Variants in ARHGEF18 observed in about 807,000 individuals in gnomAD.
ARHGEF18 encodes the protein Rho/Rac guanine nucleotide exchange factor 18, also known as rho guanine nucleotide exchange factor 18.
Under a neutral mutation model 155.7 loss-of-function variants are expected in ARHGEF18, and 93 were observed. The ratio of observed to expected loss-of-function variants is 0.60; its 90% CI spans 0.50 to 0.71. ARHGEF18 has a LOEUF of 0.71. Among genes scored for constraint, ARHGEF18 ranks in the 30% least tolerant of loss-of-function variants. The probability of loss-of-function intolerance (pLI) is 0.00; values close to 1 mark genes in which losing one functional copy is unlikely to be tolerated. For missense variants in ARHGEF18, 1,593 were observed against 1,816.1 expected (o/e 0.88, Z 2.23); for synonymous variants, 742 against 753.1 (o/e 0.99, Z 0.24).
In ARHGEF18 at chr19:7,382,901, G is replaced by C; in HGVS notation, c.825+7G>C. On this transcript the variant is annotated splice_region_variant and intron_variant, in intron 9 of 28. Transcript: ENST00000668164. ...GACCAGGCAGAAGGAGAAGGTAAGGGGAGCTAAGCCACGGGGGCCCTCCTC... is the reference window on the plus strand; with the variant it reads ...GACCAGGCAGAAGGAGAAGGTAAGGCGAGCTAAGCCACGGGGGCCCTCCTC... 4 of 1,232,498 alleles carry C rather than the reference G, an allele frequency of 3.2e-6. No homozygotes were observed. Among genetic ancestry groups the C allele is most frequent in the Non-Finnish European group, 4.0e-6 (4 of 988,102 alleles). The allele number at this position is 1,232,498 out of a possible 1,614,324, so 76.3% of individuals were successfully genotyped here.
intron 15 of ARHGEF18, 30 bp downstream of exon 15, chr19:7,447,198 A>G (rs751740015): frequency 1.3e-6 from 2 of 1,576,572 alleles, no homozygotes; most frequent in Admixed American, 1.8e-5. Context: ...TTAATCAAAA[A>G]CTTATATTCT....
intron 10 of ARHGEF18, among the ~76,000 whole-genome samples, chr19:7,425,532 A>T (rs1973609811): frequency 6.6e-6 from 1 of 152,158 alleles, no homozygotes; most frequent in East Asian, 1.9e-4. Flanking sequence ...AAATACAAAA[A>T]TTAGCCAGGC....
intron 23 of ARHGEF18, 28 bp downstream of exon 23, chr19:7,464,718 A>G (rs373526525): frequency 6.2e-7 from 1 of 1,612,676 alleles, no homozygotes; most frequent in African/African-American, 1.3e-5. Context: ...TGCTCGGTAC[A>G]GTCTGAGTCG....
chr19:7,350,337 G>C (rs1201325755), intron 1 of ARHGEF18, among the ~76,000 whole-genome samples: 1 of 152,158 alleles, frequency 6.6e-6, no homozygotes, highest in African/African-American at 2.4e-5. Context: ...GGGGGCTGAT[G>C]CTCCAAGGCC....
At chr19:7,447,443 C>T (rs1046598232) in intron 15 of ARHGEF18, among the ~76,000 whole-genome samples, 3 of 151,602 alleles carry the variant, frequency 2.0e-5, no homozygotes, top group Non-Finnish European at 2.9e-5. Flanking sequence ...GAGCCGAGAT[C>T]GTGCCACTGC....
intron 10 of ARHGEF18, among the ~76,000 whole-genome samples, chr19:7,426,144 A>C (rs1239708003): frequency 2.0e-5 from 3 of 152,092 alleles, no homozygotes; most frequent in Non-Finnish European, 4.4e-5. Flanking sequence ...GCACCACTGC[A>C]CTCTAACCTG....
At position 7,372,886 on chromosome 19, in the gene ARHGEF18, C is replaced by T. The variant is rs1459393400; in HGVS notation, c.90C>T (p.Ser30=). The change falls in exon 3 of 29, where the codon AGC becomes AGT. Residue 30 remains serine, a synonymous_variant. Coordinates refer to ENST00000668164, the MANE Select transcript of ARHGEF18 (RefSeq NM_001367823.1). ...LSLDLGALQG[S]EYLQDLGLGA... is the part of the protein sequence containing the mutation. ...TGGATTTGGGGGCCCTTCAGGGCAGCGAGTATCTGCAGGACCTGGGCCTTG... is the reference window on the plus strand; with the variant it reads ...TGGATTTGGGGGCCCTTCAGGGCAGTGAGTATCTGCAGGACCTGGGCCTTG... 1.1e-5 allele frequency: 13 copies of T among 1,234,392 alleles called. No individual in the cohort carries two copies. The highest frequency in any genetic ancestry group is 4.2e-5 in the Admixed American group (1 of 23,706). The allele number at this position is 1,234,392 out of a possible 1,614,324, so 76.5% of individuals were successfully genotyped here.
rs570941703 is a variant in ARHGEF18 at position 7,361,917 on chromosome 19, G to A, written c.-110-864G>A. Among the ~76,000 whole-genome samples, 20 of 151,454 alleles carry A rather than the reference G, an allele frequency of 1.3e-4. 1 individual carries two copies. The South Asian group carries it at 1.7e-3, about 13-fold the overall frequency. On this transcript the variant is annotated intron_variant, in intron 1 of 28. Coordinates refer to ENST00000668164, the MANE Select transcript of ARHGEF18 (RefSeq NM_001367823.1). Reference sequence around the variant, plus strand: ...TGAGGCAGGAGAATGGCTTGAACTCGGGAGGCGGAGGTTGTGGTGAGCTGA... The same window carrying A: ...TGAGGCAGGAGAATGGCTTGAACTCAGGAGGCGGAGGTTGTGGTGAGCTGA...
Position 7,446,297 on chromosome 19 carries a change from G to A in ARHGEF18, c.1612-746G>A, listed in dbSNP as rs553727460. ...TGTGGCAGGAGAATCACTCAGACCC[G>A]GAAGGCAGAGGTTGCAGTGAGCCAA... is the stretch of plus-strand genomic sequence containing the variant. On this transcript the variant is annotated intron_variant, in intron 14 of 28. Coordinates refer to ENST00000668164, the MANE Select transcript of ARHGEF18 (RefSeq NM_001367823.1). 2.0e-3 allele frequency among the ~76,000 whole-genome samples: 310 copies of A among 152,002 alleles called. 1 individual carries two copies. The highest frequency in any genetic ancestry group is 7.0e-3 in the African/African-American group (291 of 41,444).
chr19:7,477,358 G>A (rs753923206), downstream of ARHGEF18: 6 of 1,557,944 alleles, frequency 3.9e-6, no homozygotes, highest in African/African-American at 1.4e-5. Flanking sequence ...TGGCCAGGTC[G>A]GCCAGGTTGC....
rs927154321 is a variant in ARHGEF18, at chr19:7,462,991, G to A, written c.2635+657G>A. 4.6e-5 allele frequency among the ~76,000 whole-genome samples: 7 copies of A among 151,232 alleles called. 1 individual carries two copies. Among genetic ancestry groups the A allele is most frequent in the Admixed American group, 6.6e-5 (1 of 15,230 alleles). On this transcript the variant is annotated intron_variant, in intron 21 of 28. Coordinates refer to ENST00000668164, the MANE Select transcript of ARHGEF18 (RefSeq NM_001367823.1). The surrounding 1 kb of genome is among the most constrained non-coding windows in gnomAD (Gnocchi z 4.4). ...TGGGATTACAGGCACCCACCACCAC[G>A]CCCAGCTAATTTTTGTATTTTTCGT...
At chr19:7,354,189 C>A (rs562503622) in intron 1 of ARHGEF18, among the ~76,000 whole-genome samples, 1 of 152,124 alleles carries the variant, frequency 6.6e-6, no homozygotes, top group African/African-American at 2.4e-5. Flanking sequence ...TGATAGCATG[C>A]ATGTACATTC....
At chr19:7,386,438 C>T (rs565599249) in intron 10 of ARHGEF18, among the ~76,000 whole-genome samples, 2 of 150,648 alleles carry the variant, frequency 1.3e-5, no homozygotes, top group Non-Finnish European at 3.0e-5. Context: ...CAAGTTGCCA[C>T]GTGTCCTCTA....
In ARHGEF18 at chr19:7,462,842, T is replaced by C. The variant is rs1237459138; in HGVS notation, c.2635+508T>C. On this transcript the variant is annotated intron_variant, in intron 21 of 28. Transcript: ENST00000668164. This position sits in a 1 kb window ranked among gnomAD's most constrained non-coding sequence, Gnocchi z 4.4. ...CTCTTTCTTTTTTTCTTTTCTTTTT[T>C]TTTTTTTTTTTTGAGATGGAGTCTC... Among the ~76,000 whole-genome samples the C allele has an allele frequency of 3.4e-5, 5 of 146,550 alleles. No homozygotes were observed. Among genetic ancestry groups the C allele is most frequent in the African/African-American group, 7.5e-5 (3 of 39,982 alleles).
intron 2 of ARHGEF18, among the ~76,000 whole-genome samples, chr19:7,368,929 AGAG>A (rs10536413): frequency 0.068 from 10,300 of 152,168 alleles, 949 homozygotes; most frequent in East Asian, 0.28. Flanking sequence ...AAGAGGACGC[AGAG>A]GAGGAGTCAG....
At chr19:7,419,508 C>T (rs956299932) in intron 10 of ARHGEF18, among the ~76,000 whole-genome samples, 7 of 152,002 alleles carry the variant, frequency 4.6e-5, no homozygotes, top group African/African-American at 1.2e-4. Context: ...AGGGAACTCC[C>T]GGCCTCCAGC....
At chr19:7,397,491 G>A (rs1971781065) in intron 10 of ARHGEF18, among the ~76,000 whole-genome samples, 1 of 146,902 alleles carries the variant, frequency 6.8e-6, no homozygotes, top group South Asian at 2.1e-4. Flanking sequence ...CAGCACTTTG[G>A]GAGGCCCGGG....
chr19:7,352,028 T>G (rs1205535906), intron 1 of ARHGEF18, among the ~76,000 whole-genome samples: 3 of 152,094 alleles, frequency 2.0e-5, no homozygotes, highest in African/African-American at 7.2e-5. Context: ...CTTTATCTCC[T>G]GTAGGGCTGT....
chr19:7,477,371 A>T (rs1047603286), downstream of ARHGEF18: 1 of 1,558,626 alleles, frequency 6.4e-7, no homozygotes, highest in South Asian at 1.2e-5. Flanking sequence ...CAGGTTGCTG[A>T]GAAGTGACAG....
Sources: allele counts gnomAD v4.1 joint callset (sites outside exome capture counted in the v4.1 genomes callset), GRCh38; gene constraint gnomAD v4.1.1; non-coding constraint Gnocchi (gnomAD v3.1); transcripts MANE v1.5; gene names NCBI Gene and HGNC (gene_info 2026-07-23, HGNC 2026-07-21).